The following MASP1 variants were observed in gnomAD, a reference collection of about 807,000 sequenced individuals.
MASP1 encodes MBL associated serine protease 1.
A neutral mutation model predicts 77.1 loss-of-function variants in MASP1; 59 were observed. That is an observed-to-expected ratio of 0.77 (90% confidence interval 0.62 to 0.95). The LOEUF (loss-of-function observed/expected upper bound fraction) is 0.95. MASP1 is among the 40% of genes least tolerant of loss of function. The pLI is 0.00. For missense variants in MASP1, 885 were observed against 912.9 expected, an observed-to-expected ratio of 0.97 and a Z score of 0.39; for synonymous variants, 362 against 354.5, an observed-to-expected ratio of 1.02 and a Z score of -0.24.
At chr3:187,249,062 G>GT (rs1158100118) in intron 8 of MASP1, among the ~76,000 whole-genome samples, 1 of 151,806 alleles carries the variant, frequency 6.6e-6, no homozygotes, top group Non-Finnish European at 1.5e-5. Context: ...TTGTTTGTTT[G>GT]TTTTTTCTTT....
intron 3 of MASP1, among the ~76,000 whole-genome samples, chr3:187,261,125 G>T (rs1006653710): frequency 6.6e-6 from 1 of 152,164 alleles, no homozygotes; most frequent in Admixed American, 6.5e-5. Flanking sequence ...CTTGACTTCT[G>T]GTGGGACCAC....
At chr3:187,245,699 T>C (rs1714016082) in intron 8 of MASP1, among the ~76,000 whole-genome samples, 1 of 152,192 alleles carries the variant, frequency 6.6e-6, no homozygotes, top group Non-Finnish European at 1.5e-5. Flanking sequence ...GCTTCCTCCG[T>C]TGACTTATGC....
downstream of MASP1, among the ~76,000 whole-genome samples, chr3:187,232,714 G>A (rs547968205): frequency 6.6e-6 from 1 of 152,162 alleles, no homozygotes; most frequent in South Asian, 2.1e-4. Flanking sequence ...CACAACCTCA[G>A]TACCTCAGTA....
chr3:187,240,831 C>T (rs1209594846), intron 10 of MASP1, among the ~76,000 whole-genome samples: 2 of 152,008 alleles, frequency 1.3e-5, no homozygotes, highest in Non-Finnish European at 2.9e-5. Flanking sequence ...AGATGGGGTT[C>T]CACTGTGTTG....
chr3:187,251,428 A>AAC, intron 7 of MASP1: 1 of 562,786 alleles, frequency 1.8e-6, no homozygotes. Context: ...AAAAAAAAAA[A>AAC]CAAACTTTTG....
At chr3:187,277,710 T>C (rs1717072525) in intron 2 of MASP1, among the ~76,000 whole-genome samples, 1 of 152,204 alleles carries the variant, frequency 6.6e-6, no homozygotes, top group Non-Finnish European at 1.5e-5. Context: ...TTGAACAAAT[T>C]CACTTGTACC....
intron 9 of MASP1, chr3:187,243,009 G>A (rs1713784611): frequency 9.2e-6 from 2 of 218,358 alleles, no homozygotes; most frequent in South Asian, 1.5e-4. Context: ...CCTGCTGAAT[G>A]GGTCTGGCCT....
chr3:187,252,964 C>T (rs568660237), intron 6 of MASP1, among the ~76,000 whole-genome samples: 1 of 152,246 alleles, frequency 6.6e-6, no homozygotes, highest in Non-Finnish European at 1.5e-5. Flanking sequence ...TCTAGTCCAC[C>T]CAACATTATT....
chr3:187,241,568 AAGAGGTTAGG>A lies in MASP1; in HGVS notation c.1229-23_1229-14del. 1.3e-6 allele frequency: 2 copies of A among 1,581,892 alleles called. No individual in the cohort carries two copies. Among genetic ancestry groups the A allele is most frequent in the Non-Finnish European group, 1.7e-6 (2 of 1,150,624 alleles). ...CAGGTATATATACCTGGATTAGTGA[AAGAGGTTAGG>A]AGAGGAGGGAGAAAATGGTTGATTT... On this transcript the variant is annotated splice_polypyrimidine_tract_variant and intron_variant, in intron 9 of 10. Transcript: ENST00000296280.
chr3:187,288,606 T>C (rs1224840262), intron 1 of MASP1, among the ~76,000 whole-genome samples: 1 of 152,254 alleles, frequency 6.6e-6, no homozygotes, highest in Non-Finnish European at 1.5e-5. Flanking sequence ...ACATTAGTTA[T>C]AATTATTCCA....
chr3:187,263,326 G>A (rs1715762349), intron 2 of MASP1: 1 of 154,278 alleles, frequency 6.5e-6, no homozygotes, highest in Non-Finnish European at 1.4e-5. Context: ...AGCTACAGGA[G>A]AGAAGGACTT....
intron 8 of MASP1, among the ~76,000 whole-genome samples, chr3:187,249,194 A>G (rs1370096766): frequency 9.2e-5 from 14 of 152,140 alleles, no homozygotes; most frequent in African/African-American, 3.1e-4. Flanking sequence ...AGTAGCTGGG[A>G]TTACAGGCGT....
At chr3:187,269,989 A>T (rs1232569110) in intron 2 of MASP1, among the ~76,000 whole-genome samples, 1 of 152,220 alleles carries the variant, frequency 6.6e-6, no homozygotes, top group Non-Finnish European at 1.5e-5. Context: ...CATTTCACAT[A>T]TGCAAAGGAC....
chr3:187,233,251 C>T (rs1712876731), downstream of MASP1, among the ~76,000 whole-genome samples: 1 of 152,188 alleles, frequency 6.6e-6, no homozygotes, highest in African/African-American at 2.4e-5. Flanking sequence ...TCACCAGCAC[C>T]CCAAGTGATT....
exon 13 of MASP1, chr3:187,225,335 G>A: frequency 1.2e-6 from 2 of 1,613,088 alleles, no homozygotes; most frequent in Non-Finnish European, 1.7e-6. Context: ...TTCCTGCTGG[G>A]GTCCCTCAGG....
At chr3:187,282,591 C>T (rs1204436625) in intron 2 of MASP1, among the ~76,000 whole-genome samples, 1 of 149,112 alleles carries the variant, frequency 6.7e-6, no homozygotes, top group Admixed American at 6.7e-5. Flanking sequence ...CAGAGGGCCC[C>T]TGCAGCCTGA....
chr3:187,240,643 A>C (rs1048114594), intron 10 of MASP1, among the ~76,000 whole-genome samples: 1 of 151,844 alleles, frequency 6.6e-6, no homozygotes, highest in Non-Finnish European at 1.5e-5. Flanking sequence ...TTATTTATTT[A>C]TTTTTCAAGA....
intron 1 of MASP1, among the ~76,000 whole-genome samples, chr3:187,287,951 G>A (rs150733900): frequency 0.011 from 1,668 of 152,304 alleles, 31 homozygotes; most frequent in African/African-American, 0.038. Context: ...TACATAAAGT[G>A]TAAATAGGTA....
At chr3:187,229,958 C>T, downstream of MASP1, 1 of 1,597,140 alleles carries the variant, frequency 6.3e-7, no homozygotes, top group Non-Finnish European at 8.6e-7. Flanking sequence ...TGCCCACTGC[C>T]AGAGCTCCCA....
Sources: allele counts gnomAD v4.1 joint callset (sites outside exome capture counted in the v4.1 genomes callset), GRCh38; gene constraint gnomAD v4.1.1; transcripts MANE v1.5; gene names NCBI Gene and HGNC (gene_info 2026-07-23, HGNC 2026-07-21).